OTUD7A: variants seen among roughly 807,000 people sequenced by gnomAD.
The protein encoded by OTUD7A is OTU domain-containing protein 7A.
Under a neutral mutation model 65.7 loss-of-function variants are expected in OTUD7A, and 12 were observed. That is an observed-to-expected ratio of 0.18 (90% CI 0.12 to 0.30). The LOEUF is 0.30. Ranked by LOEUF, OTUD7A falls within the 10% of genes least tolerant of loss-of-function variation. The pLI is 1.00. For missense variants in OTUD7A, 1,148 were observed against 1,304.8 expected (o/e 0.88, Z 1.85); for synonymous variants, 641 against 586.3 (o/e 1.09, Z -1.35).
chr15:31,677,881 C>T (rs572803217), intron 1 of OTUD7A, among the ~76,000 whole-genome samples: 1 of 152,258 alleles, frequency 6.6e-6, no homozygotes, highest in East Asian at 1.9e-4. Context: ...GAAGTTGGAA[C>T]AGTTTGGAGG....
chr15:31,824,890 A>C lies in OTUD7A; in HGVS notation c.-100+45617T>G, dbSNP rs116645228. ...ATAGTTTTATTCAAAACCCTTATTC[A>C]AAAGAGCTCATAGCAGCTAAGCTCT... On this transcript the variant is annotated intron_variant, in intron 1 of 12. Transcript: ENST00000307050. 7.0e-3 allele frequency among the ~76,000 whole-genome samples: 1,065 copies of C among 152,294 alleles called. 14 individuals are homozygous for C. The highest frequency in any genetic ancestry group is 0.025 in the African/African-American group (1,025 of 41,556).
intron 1 of OTUD7A, among the ~76,000 whole-genome samples, chr15:31,741,330 A>T (rs144867652): frequency 5.4e-4 from 82 of 152,292 alleles, no homozygotes; most frequent in East Asian, 9.6e-4. Flanking sequence ...ATAATTTTTT[A>T]AAAAAATTTT....
At chr15:31,664,289 G>GCAGTGT (rs765119273) in intron 1 of OTUD7A, among the ~76,000 whole-genome samples, 47 of 100,768 alleles carry the variant, frequency 4.7e-4, no homozygotes, top group African/African-American at 8.8e-4. Flanking sequence ...ATTCCCACCA[G>GCAGTGT]AACATTCCCT....
chr15:31,564,387 G>GTTTTTTTTTTTTTTTTTTTTTTTTT lies in OTUD7A; in HGVS notation c.332-5201_332-5200insAAAAAAAAAAAAAAAAAAAAAAAAA, dbSNP rs398026753. The stretch of plus-strand genomic sequence containing the variant: ...TTTTTGGAAGTAGTCTTTGAGGAAG[G>GTTTTTTTTTTTTTTTTTTTTTTTTT]TTTTTTTTTTTTTAGCAAAAGAGAA... On this transcript the variant is annotated intron_variant, in intron 4 of 12. Transcript: ENST00000307050. 2.1e-4 allele frequency among the ~76,000 whole-genome samples: 25 copies of GTTTTTTTTTTTTTTTTTTTTTTTTT among 119,908 alleles called. 2 individuals carry two copies. Among genetic ancestry groups the GTTTTTTTTTTTTTTTTTTTTTTTTT allele is most frequent in the South Asian group, 5.2e-4 (2 of 3,816 alleles). The allele number at this position is 119,908 out of a possible 152,430, so 78.7% of individuals were successfully genotyped here. A position where few individuals can be genotyped will look rare whatever the true frequency, so the allele number is the denominator to read the frequency against.
intron 1 of OTUD7A, among the ~76,000 whole-genome samples, chr15:31,752,155 T>A (rs370852555): frequency 1.3e-5 from 2 of 152,196 alleles, no homozygotes; most frequent in African/African-American, 4.8e-5. Flanking sequence ...ATTCAATGTA[T>A]ATGTTGAATC....
intron 1 of OTUD7A, among the ~76,000 whole-genome samples, chr15:31,862,851 T>G (rs959935381): frequency 1.3e-5 from 2 of 152,170 alleles, no homozygotes; most frequent in African/African-American, 4.8e-5. Flanking sequence ...CAGAATTAAC[T>G]TAAAAGTCCA....
intron 1 of OTUD7A, among the ~76,000 whole-genome samples, chr15:31,753,721 T>TATTATA (rs879561188): frequency 9.0e-4 from 96 of 106,748 alleles, no homozygotes; most frequent in African/African-American, 4.7e-3. Flanking sequence ...TATATATATA[T>TATTATA]TATATATATA....
chr15:31,652,250 T>C (rs1395188553), intron 3 of OTUD7A, among the ~76,000 whole-genome samples: 3 of 152,240 alleles, frequency 2.0e-5, no homozygotes, highest in South Asian at 4.1e-4. Context: ...AGAAGGAGGA[T>C]ATTTTCTATA....
intron 3 of OTUD7A, among the ~76,000 whole-genome samples, chr15:31,619,931 G>C (rs1258991995): frequency 1.3e-5 from 2 of 152,160 alleles, no homozygotes; most frequent in South Asian, 2.1e-4. Flanking sequence ...ATTATTTCGA[G>C]ATATGTCCCA....
In OTUD7A at chr15:31,849,476, T is replaced by C. The variant is rs191048299; in HGVS notation, c.-100+21031A>G. On this transcript the variant is annotated intron_variant, in intron 1 of 12. Coordinates refer to ENST00000307050, the MANE Select transcript of OTUD7A (RefSeq NM_001382637.1). ...TAGAAGAAAACCTAGGCAATACCAT[T>C]CAGGACATAGGCATGGGCAAGGACT... Among the ~76,000 whole-genome samples, 299 of 152,240 alleles carry C rather than the reference T, an allele frequency of 2.0e-3. 1 individual carries two copies. The East Asian group carries it at 0.033, about 17-fold the overall frequency.
intron 3 of OTUD7A, among the ~76,000 whole-genome samples, chr15:31,586,942 T>C (rs1300307420): frequency 1.3e-5 from 2 of 152,054 alleles, no homozygotes; most frequent in Non-Finnish European, 1.5e-5. Flanking sequence ...TCCACCCACA[T>C]TGCCCGCCAG....
At position 31,711,189 on chromosome 15, in the gene OTUD7A, G is replaced by T. The variant is rs1373633763; in HGVS notation, c.-99-54112C>A. On this transcript the variant is annotated intron_variant, in intron 1 of 12. Transcript: ENST00000307050. ...TACAAAACTGACAGATGTCTATTAGGGAAAGTTCAGAAAACACATAAGAAA... is the reference window on the plus strand; with the variant it reads ...TACAAAACTGACAGATGTCTATTAGTGAAAGTTCAGAAAACACATAAGAAA... Among the ~76,000 whole-genome samples the T allele has an allele frequency of 4.0e-5, 6 of 151,360 alleles. No homozygotes were observed. The East Asian group carries it at 1.2e-3, about 29-fold the overall frequency.
chr15:31,721,875 C>T (rs1255107357), intron 1 of OTUD7A, among the ~76,000 whole-genome samples: 5 of 152,260 alleles, frequency 3.3e-5, no homozygotes. Flanking sequence ...CGGACCCAGG[C>T]TCCTAGGCCA....
chr15:31,856,770 C>T (rs532402893), intron 1 of OTUD7A, among the ~76,000 whole-genome samples: 1 of 152,324 alleles, frequency 6.6e-6, no homozygotes, highest in South Asian at 2.1e-4. Context: ...CTTTGGTATG[C>T]TCCCTAAAAA....
At chr15:31,510,301 T>A (rs1397172146) in intron 8 of OTUD7A, among the ~76,000 whole-genome samples, 3 of 151,940 alleles carry the variant, frequency 2.0e-5, no homozygotes, top group African/African-American at 7.2e-5. Context: ...GCTCTCTTTT[T>A]CACACAGAGC....
intron 1 of OTUD7A, among the ~76,000 whole-genome samples, chr15:31,844,713 C>T (rs1013580982): frequency 6.6e-6 from 1 of 152,340 alleles, no homozygotes; most frequent in African/African-American, 2.4e-5. Flanking sequence ...GTTCACCTTA[C>T]TAAGCAGAAA....
chr15:31,735,145 T>C (rs934793829), intron 1 of OTUD7A, among the ~76,000 whole-genome samples: 3 of 152,064 alleles, frequency 2.0e-5, no homozygotes, highest in Non-Finnish European at 4.4e-5. Context: ...TGAATAAAAG[T>C]TCAATATCAC....
At chr15:31,588,747 G>A (rs1051485956) in intron 3 of OTUD7A, among the ~76,000 whole-genome samples, 7 of 152,200 alleles carry the variant, frequency 4.6e-5, no homozygotes, top group Admixed American at 1.3e-4. Context: ...TCTTCCACAC[G>A]TGGCTTCCAA....
At chr15:31,858,219 A>C (rs1044539643) in intron 1 of OTUD7A, among the ~76,000 whole-genome samples, 5 of 152,224 alleles carry the variant, frequency 3.3e-5, no homozygotes, top group African/African-American at 1.2e-4. Flanking sequence ...CAGGTGTGGC[A>C]GGTAGCCAGA....
Sources: allele counts gnomAD v4.1 joint callset (sites outside exome capture counted in the v4.1 genomes callset), GRCh38; gene constraint gnomAD v4.1.1; transcripts MANE v1.5; gene names NCBI Gene and HGNC (gene_info 2026-07-23, HGNC 2026-07-21).